The following SYNJ2BP variants were observed in gnomAD, a reference collection of about 807,000 sequenced individuals.
The protein encoded by SYNJ2BP is synaptojanin 2 binding protein.
In SYNJ2BP, 10 loss-of-function variants were observed where a neutral mutation model predicts 16.9. The observed-to-expected ratio is 0.59, with a 90% CI of 0.36 to 1.00. The LOEUF (loss-of-function observed/expected upper bound fraction) is 1.00. SYNJ2BP is among the 50% of genes least tolerant of loss of function. The pLI is 0.01. For missense variants in SYNJ2BP, 162 were observed against 186.7 expected, an observed-to-expected ratio of 0.87 and a Z score of 0.77; for synonymous variants, 54 against 68.4, an observed-to-expected ratio of 0.79 and a Z score of 1.04.
At chr14:70,413,765 G>C (rs935186461) in intron 1 of SYNJ2BP, among the ~76,000 whole-genome samples, 2 of 152,204 alleles carry the variant, frequency 1.3e-5, no homozygotes, top group Non-Finnish European at 2.9e-5. Flanking sequence ...GCAGTAAGCA[G>C]ATCAGTCAGG....
At chr14:70,416,648 G>A (rs983562825) in intron 1 of SYNJ2BP, among the ~76,000 whole-genome samples, 2 of 152,172 alleles carry the variant, frequency 1.3e-5, no homozygotes, top group Non-Finnish European at 2.9e-5. Context: ...AGCACGATTT[G>A]CACAAAGAAC....
intron 1 of SYNJ2BP, among the ~76,000 whole-genome samples, chr14:70,412,481 G>GTA (rs1273144164): frequency 8.5e-5 from 9 of 105,316 alleles, no homozygotes; most frequent in South Asian, 3.0e-4. Flanking sequence ...TATATATACA[G>GTA]TATATATATG....
intron 1 of SYNJ2BP, among the ~76,000 whole-genome samples, chr14:70,407,193 C>A (rs1035909774): frequency 6.6e-6 from 1 of 152,116 alleles, no homozygotes; most frequent in Admixed American, 6.5e-5. Flanking sequence ...CTTTGGGAGG[C>A]CGAGGCAGGT....
chr14:70,377,835 C>T (rs896039376), intron 2 of SYNJ2BP, among the ~76,000 whole-genome samples: 7 of 152,180 alleles, frequency 4.6e-5, no homozygotes, highest in African/African-American at 9.7e-5. Flanking sequence ...TTTCTTGGAA[C>T]GCATTATCAC....
intron 1 of SYNJ2BP, among the ~76,000 whole-genome samples, chr14:70,414,518 G>A (rs1196487828): frequency 6.6e-6 from 1 of 152,128 alleles, no homozygotes; most frequent in Non-Finnish European, 1.5e-5. Context: ...AAAAGATGAA[G>A]TGATATTATA....
chr14:70,376,167 T>C (rs1277646127), intron 2 of SYNJ2BP, among the ~76,000 whole-genome samples: 1 of 152,232 alleles, frequency 6.6e-6, no homozygotes, highest in Non-Finnish European at 1.5e-5. Context: ...AGCCCTGGCA[T>C]TGCCAGCTGC....
At chr14:70,394,313 G>T (rs943139172) in intron 1 of SYNJ2BP, among the ~76,000 whole-genome samples, 2 of 152,106 alleles carry the variant, frequency 1.3e-5, no homozygotes, top group Non-Finnish European at 2.9e-5. Context: ...GTTTAGGTAT[G>T]AAGGGTGAAA....
At chr14:70,375,382 T>A (rs1404113949) in intron 3 of SYNJ2BP, among the ~76,000 whole-genome samples, 1 of 150,432 alleles carries the variant, frequency 6.6e-6, no homozygotes, top group Non-Finnish European at 1.5e-5. Flanking sequence ...GTATTTTTAG[T>A]AGAGATGAGG....
chr14:70,385,305 T>A (rs941480294), intron 2 of SYNJ2BP, among the ~76,000 whole-genome samples: 3 of 152,112 alleles, frequency 2.0e-5, no homozygotes, highest in Non-Finnish European at 4.4e-5. Flanking sequence ...TATTTCTGAT[T>A]CTACCCTTTA....
intron 1 of SYNJ2BP, among the ~76,000 whole-genome samples, chr14:70,405,700 A>C (rs995171843): frequency 1.1e-4 from 17 of 152,220 alleles, no homozygotes; most frequent in Admixed American, 5.9e-4. Flanking sequence ...TTTGTTTATT[A>C]AAGTTAGCTT....
chr14:70,381,738 T>A (rs1385884319), intron 2 of SYNJ2BP, among the ~76,000 whole-genome samples: 1 of 152,228 alleles, frequency 6.6e-6, no homozygotes, highest in Non-Finnish European at 1.5e-5. Flanking sequence ...ACTTTAACAC[T>A]CCTTCAAAGT....
chr14:70,386,491 T>C (rs533895706), intron 2 of SYNJ2BP, among the ~76,000 whole-genome samples: 4 of 152,330 alleles, frequency 2.6e-5, no homozygotes, highest in Non-Finnish European at 4.4e-5. Context: ...TGAGCTAATT[T>C]AGGTGGCTCT....
intron 1 of SYNJ2BP, among the ~76,000 whole-genome samples, chr14:70,393,224 C>G (rs141409204): frequency 2.4e-3 from 358 of 152,280 alleles, no homozygotes; most frequent in Non-Finnish European, 3.8e-3. Flanking sequence ...ATCATCACTG[C>G]TCATTAGAGA....
intron 1 of SYNJ2BP, among the ~76,000 whole-genome samples, chr14:70,416,153 G>A (rs1888600704): frequency 6.6e-6 from 1 of 152,168 alleles, no homozygotes; most frequent in African/African-American, 2.4e-5. Context: ...ATGTAGTAAT[G>A]TCAAGAGCCC....
In SYNJ2BP at chr14:70,372,902, CAG is replaced by C. The variant is rs1887546010; in HGVS notation, c.*87_*88del. 8 of 1,563,130 alleles carry C rather than the reference CAG, an allele frequency of 5.1e-6. No homozygotes were observed. The highest frequency in any genetic ancestry group is 6.9e-6 in the Non-Finnish European group (8 of 1,157,250). Reference sequence around the variant, plus strand: ...ATCAGTCACTTCAAATCTGGCTATGCAGAGAGAGGGAAAGACATGGCAGAATA... The same window carrying C: ...ATCAGTCACTTCAAATCTGGCTATGCAGAGAGGGAAAGACATGGCAGAATA... On this transcript the variant is annotated 3_prime_UTR_variant, in exon 4 of 4. Transcript: ENST00000256366.
chr14:70,416,381 G>A (rs1888608309), intron 1 of SYNJ2BP, among the ~76,000 whole-genome samples: 1 of 147,566 alleles, frequency 6.8e-6, no homozygotes, highest in Non-Finnish European at 1.5e-5. Context: ...GGGAACCTGT[G>A]TAATAAAAGA....
At chr14:70,374,902 T>C (rs1887591951) in intron 3 of SYNJ2BP, among the ~76,000 whole-genome samples, 1 of 151,756 alleles carries the variant, frequency 6.6e-6, no homozygotes, top group South Asian at 2.1e-4. Context: ...AATTAATTTA[T>C]TTATTTTCCA....
At chr14:70,396,827 T>A (rs1594953578) in intron 1 of SYNJ2BP, among the ~76,000 whole-genome samples, 2 of 152,308 alleles carry the variant, frequency 1.3e-5, no homozygotes, top group East Asian at 3.9e-4. Flanking sequence ...TGCTCATTTT[T>A]GAATTGGGTT....
At chr14:70,385,913 A>AC (rs1195048772) in intron 2 of SYNJ2BP, among the ~76,000 whole-genome samples, 1 of 152,202 alleles carries the variant, frequency 6.6e-6, no homozygotes, top group Non-Finnish European at 1.5e-5. Flanking sequence ...AATCATGCCC[A>AC]CCTCATAGGA....
Sources: gnomAD v4.1 joint callset for allele counts (sites outside exome capture counted in the v4.1 genomes callset) on GRCh38, gnomAD v4.1.1 for gene constraint, MANE v1.5 for transcripts, NCBI Gene and HGNC (gene_info 2026-07-23, HGNC 2026-07-21) for gene names.